Variants in PATJ observed in about 807,000 individuals in gnomAD.
The protein encoded by PATJ is inaD-like protein.
PATJ carries 190 observed loss-of-function variants against 224.9 expected under a neutral mutation model. That is an observed-to-expected ratio of 0.84 (90% CI 0.75 to 0.95). The LOEUF (loss-of-function observed/expected upper bound fraction) is 0.95, where lower values mean the gene tolerates loss of function less well. Among genes scored for constraint, PATJ ranks in the 40% least tolerant of loss-of-function variants. PATJ has a pLI of 0.00. For synonymous variants in PATJ, 769 were observed against 820.3 expected, an observed-to-expected ratio of 0.94 and a Z score of 1.07; for missense variants, 2,121 against 2,270.3, an observed-to-expected ratio of 0.93 and a Z score of 1.34.
chr1:62,054,328 A>C, intron 31 of PATJ: 1 of 435,574 alleles, frequency 2.3e-6, no homozygotes, highest in Non-Finnish European at 4.6e-6. Flanking sequence ...GTGCCACTGC[A>C]CTCCAGCCTG....
chr1:62,036,099 T>G (rs1475886925), intron 29 of PATJ, among the ~76,000 whole-genome samples: 1 of 152,128 alleles, frequency 6.6e-6, no homozygotes, highest in Non-Finnish European at 1.5e-5. Context: ...AGAGCTTCCT[T>G]ATCGACTTTG....
chr1:62,057,684 A>C (rs1570372079), intron 31 of PATJ, among the ~76,000 whole-genome samples: 1 of 152,378 alleles, frequency 6.6e-6, no homozygotes, highest in East Asian at 1.9e-4. Context: ...GAGAGTTGTC[A>C]GTAAAATAAT....
chr1:62,111,807 C>G (rs1198036742), intron 34 of PATJ, among the ~76,000 whole-genome samples: 1 of 151,946 alleles, frequency 6.6e-6, no homozygotes. Context: ...ATTATGGGCG[C>G]CTGCCACCAG....
At chr1:61,760,625 T>C (rs1007971370) in intron 1 of PATJ, among the ~76,000 whole-genome samples, 8 of 151,008 alleles carry the variant, frequency 5.3e-5, no homozygotes, top group South Asian at 4.2e-4. Flanking sequence ...TTTTCTTTTT[T>C]TTTTTTTTTG....
chr1:62,022,246 TTATC>T (rs369668163), intron 29 of PATJ, among the ~76,000 whole-genome samples: 15 of 152,352 alleles, frequency 9.8e-5, no homozygotes, highest in African/African-American at 3.4e-4. Context: ...ATATACTAAT[TTATC>T]TATAATTGGC....
At position 61,938,804 on chromosome 1, in the gene PATJ, A is replaced by T. The variant is rs557518888; in HGVS notation, c.3670+10975A>T. Among the ~76,000 whole-genome samples the T allele has an allele frequency of 3.2e-4, 48 of 152,006 alleles. 1 individual carries two copies. The highest frequency in any genetic ancestry group is 6.2e-4 in the South Asian group (3 of 4,806). ...TATTTAGAATTTAGAGCATAAAAAA[A>T]TTTTTTTTTCTAAATAGTAGAAATA... On this transcript the variant is annotated intron_variant, in intron 27 of 43. Coordinates refer to ENST00000642238, the MANE Select transcript of PATJ (RefSeq NM_001350145.3).
At chr1:62,047,580 C>T (rs964892223) in intron 30 of PATJ, among the ~76,000 whole-genome samples, 1 of 152,162 alleles carries the variant, frequency 6.6e-6, no homozygotes, top group Admixed American at 6.5e-5. Flanking sequence ...CTCCACTTGG[C>T]CACCGTAACC....
At chr1:62,040,580 C>T (rs560410111) in intron 30 of PATJ, among the ~76,000 whole-genome samples, 1 of 152,156 alleles carries the variant, frequency 6.6e-6, no homozygotes, top group Non-Finnish European at 1.5e-5. Context: ...GAGGGAGGAG[C>T]CTTCCCTGCT....
intron 27 of PATJ, among the ~76,000 whole-genome samples, chr1:61,978,956 G>A (rs374235469): frequency 6.6e-6 from 1 of 152,076 alleles, no homozygotes; most frequent in African/African-American, 2.4e-5. Flanking sequence ...AAAACATACT[G>A]TGACAATGGA....
intron 26 of PATJ, among the ~76,000 whole-genome samples, chr1:61,924,676 ATTCT>A (rs1277698943): frequency 2.6e-5 from 4 of 152,210 alleles, no homozygotes; most frequent in Non-Finnish European, 2.9e-5. Flanking sequence ...TCAGAAAGAG[ATTCT>A]TTATTTTGAG....
At position 61,927,778 on chromosome 1, in the gene PATJ, G is replaced by T. The variant is rs753319174; in HGVS notation, c.3619G>T (p.Ala1207Ser). The change falls in exon 27 of 44, where the codon GCT becomes TCT. Residue 1207 changes from alanine to serine, a missense_variant. Physicochemically the swap from Ala to Ser is moderately conservative, Grantham distance 99 (BLOSUM62 1). Transcript: ENST00000642238. ...AATGAAACTTCCTCCTCCTTATAAA[G>T]CTCTGACTGATGACAGTGATGAAAA... ...PPMKLPPPYKALTDDSDENEE... is the reference protein window; with the variant it reads ...PPMKLPPPYKSLTDDSDENEE... 1 of 1,613,582 alleles carries T rather than the reference G, an allele frequency of 6.2e-7. No homozygotes were observed. The highest frequency in any genetic ancestry group is 1.1e-5 in the South Asian group (1 of 90,986).
At chr1:61,817,107 G>A (rs1187160942) in intron 14 of PATJ, among the ~76,000 whole-genome samples, 3 of 152,158 alleles carry the variant, frequency 2.0e-5, no homozygotes, top group African/African-American at 7.2e-5. Context: ...GAATAGATTT[G>A]GAGTACAAAT....
intron 27 of PATJ, among the ~76,000 whole-genome samples, chr1:61,983,059 T>G (rs6587953): frequency 0.64 from 97,675 of 151,656 alleles, 32,591 homozygotes; most frequent in African/African-American, 0.82. Flanking sequence ...GAGTCTGAAA[T>G]TAAGGAGGGG....
chr1:61,978,968 A>G (rs952924946), intron 27 of PATJ, among the ~76,000 whole-genome samples: 2 of 152,050 alleles, frequency 1.3e-5, no homozygotes, highest in Non-Finnish European at 2.9e-5. Context: ...GACAATGGAG[A>G]AATGTTATTG....
chr1:62,092,537 T>C (rs1660883493), intron 33 of PATJ, among the ~76,000 whole-genome samples: 1 of 151,336 alleles, frequency 6.6e-6, no homozygotes, highest in Non-Finnish European at 1.5e-5. Flanking sequence ...TGCCTCAGCC[T>C]CCCATGTAGC....
chr1:62,089,177 G>A (rs560364062), intron 33 of PATJ, among the ~76,000 whole-genome samples: 3 of 152,182 alleles, frequency 2.0e-5, no homozygotes, highest in African/African-American at 7.2e-5. Context: ...TGCTTTTGCC[G>A]CTGTTAATCT....
chr1:62,129,966 G>C (rs1015349851), intron 41 of PATJ, among the ~76,000 whole-genome samples: 4 of 152,038 alleles, frequency 2.6e-5, no homozygotes, highest in Non-Finnish European at 5.9e-5. Context: ...TTAGTTTATA[G>C]GTATAAAGAA....
chr1:61,792,759 AC>A (rs1268459021), intron 9 of PATJ, among the ~76,000 whole-genome samples: 3 of 152,036 alleles, frequency 2.0e-5, no homozygotes, highest in African/African-American at 7.2e-5. Flanking sequence ...CAAACTCCTG[AC>A]CTCAGGTGAT....
rs548875546 is a variant in PATJ, at chr1:61,942,485, G to C, written c.3670+14656G>C. Among the ~76,000 whole-genome samples the C allele has an allele frequency of 7.3e-4, 110 of 151,556 alleles. 1 individual carries two copies. Among genetic ancestry groups the C allele is most frequent in the Non-Finnish European group, 1.2e-3 (81 of 67,964 alleles). Reference sequence around the variant, plus strand: ...TGCAAAATGATAGACAGTACAACTGGAATCTTCATACACTGCTGGTGGGAG... The same window carrying C: ...TGCAAAATGATAGACAGTACAACTGCAATCTTCATACACTGCTGGTGGGAG... On this transcript the variant is annotated intron_variant, in intron 27 of 43. Transcript: ENST00000642238.
Sources: gnomAD v4.1 joint callset for allele counts (sites outside exome capture counted in the v4.1 genomes callset) on GRCh38, gnomAD v4.1.1 for gene constraint, MANE v1.5 for transcripts, NCBI Gene and HGNC (gene_info 2026-07-23, HGNC 2026-07-21) for gene names.